SLC39A11: variants seen among roughly 807,000 people sequenced by gnomAD.
SLC39A11 encodes the protein solute carrier family 39 member 11, also known as zinc transporter ZIP11.
SLC39A11 carries 33 observed loss-of-function variants against 36.1 expected under a neutral mutation model. The ratio of observed to expected loss-of-function variants is 0.91; its 90% CI spans 0.69 to 1.22. SLC39A11 has a LOEUF of 1.22. SLC39A11 is among the 50% of genes most tolerant of loss of function. The pLI, the probability that SLC39A11 is intolerant of heterozygous loss-of-function variation, is 0.00. For missense variants in SLC39A11, 432 were observed against 430.3 expected (o/e 1.00, Z -0.03); for synonymous variants, 166 against 170.3 (o/e 0.97, Z 0.20).
chr17:72,963,252 G>C (rs1166474279), intron 4 of SLC39A11, among the ~76,000 whole-genome samples: 1 of 135,836 alleles, frequency 7.4e-6, no homozygotes, highest in South Asian at 2.3e-4. Flanking sequence ...CTCCCTGCAA[G>C]CTCCGCCTCC....
At chr17:72,998,283 T>C (rs1454860392) in intron 4 of SLC39A11, among the ~76,000 whole-genome samples, 1 of 149,238 alleles carries the variant, frequency 6.7e-6, no homozygotes, top group Non-Finnish European at 1.5e-5. Context: ...CAAGGACCAC[T>C]GTACTGTTCC....
intron 6 of SLC39A11, among the ~76,000 whole-genome samples, chr17:72,841,914 A>G (rs1567804583): frequency 1.3e-5 from 2 of 151,618 alleles, no homozygotes; most frequent in Non-Finnish European, 1.5e-5. Context: ...ATACAAAAAA[A>G]AAAAGAAATT....
intron 5 of SLC39A11, among the ~76,000 whole-genome samples, chr17:72,909,260 G>A (rs371697954): frequency 2.0e-5 from 3 of 152,172 alleles, no homozygotes; most frequent in African/African-American, 7.2e-5. Flanking sequence ...GTCAGCCATT[G>A]CATCCCACCC....
At chr17:72,647,756 A>G in intron 9 of SLC39A11, 94 bp from the exon 10 acceptor site, 1 of 928,144 alleles carries the variant, frequency 1.1e-6, no homozygotes, top group Non-Finnish European at 1.7e-6. Flanking sequence ...CAATTCCAAG[A>G]GAAAGCACAC....
intron 5 of SLC39A11, among the ~76,000 whole-genome samples, chr17:72,946,198 C>T (rs1567998605): frequency 6.6e-6 from 1 of 152,184 alleles, no homozygotes; most frequent in Non-Finnish European, 1.5e-5. Flanking sequence ...ATACCTAAAG[C>T]GTTCTGATGG....
intron 6 of SLC39A11, among the ~76,000 whole-genome samples, chr17:72,776,600 A>G (rs936789801): frequency 7.5e-6 from 1 of 133,468 alleles, no homozygotes; most frequent in African/African-American, 2.7e-5. Flanking sequence ...TAAATAAAAT[A>G]CTTTGCATGG....
chr17:73,071,603 C>A (rs939398160), intron 3 of SLC39A11, among the ~76,000 whole-genome samples: 13 of 152,312 alleles, frequency 8.5e-5, no homozygotes, highest in African/African-American at 2.9e-4. Context: ...CCACTGTCAC[C>A]AGACCTCAGA....
At chr17:73,025,277 G>A (rs1167453311) in intron 4 of SLC39A11, among the ~76,000 whole-genome samples, 1 of 152,150 alleles carries the variant, frequency 6.6e-6, no homozygotes, top group Non-Finnish European at 1.5e-5. Flanking sequence ...ACCTACTTGG[G>A]CAGCCTCCTC....
chr17:72,925,639 T>TATTGC (rs1193596955), intron 5 of SLC39A11, among the ~76,000 whole-genome samples: 3 of 152,252 alleles, frequency 2.0e-5, no homozygotes, highest in South Asian at 4.1e-4. Flanking sequence ...AGTACCTGCC[T>TATTGC]ATTGGCCAAG....
intron 7 of SLC39A11, among the ~76,000 whole-genome samples, chr17:72,697,441 C>T (rs1196219475): frequency 6.6e-6 from 1 of 152,138 alleles, no homozygotes; most frequent in African/African-American, 2.4e-5. Context: ...AGGTGTCTAT[C>T]TTCAATTTGC....
At chr17:72,680,041 CAAAAAAAAAA>C (rs199650969) in intron 7 of SLC39A11, among the ~76,000 whole-genome samples, 4 of 71,698 alleles carry the variant, frequency 5.6e-5, no homozygotes, top group African/African-American at 2.5e-4. Context: ...GACTCTGTCT[CAAAAAAAAAA>C]AAAAAAAAAA....
chr17:72,914,295 G>A (rs898965959), intron 5 of SLC39A11, among the ~76,000 whole-genome samples: 5 of 149,542 alleles, frequency 3.3e-5, no homozygotes, highest in East Asian at 2.0e-4. Flanking sequence ...CAGCCTGGAC[G>A]ACAGAGCGAG....
chr17:72,901,098 G>C (rs2082374205), intron 5 of SLC39A11, among the ~76,000 whole-genome samples: 1 of 152,152 alleles, frequency 6.6e-6, no homozygotes, highest in African/African-American at 2.4e-5. Context: ...CTGAAAAATC[G>C]TGTCCAAGTG....
At chr17:72,860,107 G>T (rs574909640) in intron 5 of SLC39A11, among the ~76,000 whole-genome samples, 4 of 151,598 alleles carry the variant, frequency 2.6e-5, no homozygotes, top group Non-Finnish European at 5.9e-5. Context: ...CTTTTGCCAA[G>T]GTTTGAGTTG....
In SLC39A11 at chr17:72,946,638, GC is replaced by G. The variant is rs559318176; in HGVS notation, c.430+1113del. Reference sequence around the variant, plus strand: ...GAGCACTCCACATAAGCGAGGAGGGGCCCATTCTCCACAGCATCCTGGCATG... The same window carrying G: ...GAGCACTCCACATAAGCGAGGAGGGGCCATTCTCCACAGCATCCTGGCATG... On this transcript the variant is annotated intron_variant, in intron 5 of 9. Transcript: ENST00000255559. 3.2e-3 allele frequency among the ~76,000 whole-genome samples: 487 copies of G among 152,254 alleles called. 4 individuals are homozygous for G. Among genetic ancestry groups the G allele is most frequent in the African/African-American group, 0.011 (465 of 41,542 alleles).
intron 5 of SLC39A11, among the ~76,000 whole-genome samples, chr17:72,900,803 G>C (rs1464371904): frequency 6.6e-6 from 1 of 152,148 alleles, no homozygotes; most frequent in East Asian, 1.9e-4. Flanking sequence ...GAGTCACTGT[G>C]CTGGGAAAGC....
chr17:72,685,235 C>T (rs1018559820), intron 7 of SLC39A11, among the ~76,000 whole-genome samples: 6 of 107,658 alleles, frequency 5.6e-5, no homozygotes, highest in East Asian at 5.0e-4. Context: ...CACTCTGCTC[C>T]GATGCTACGA....
At chr17:73,027,825 C>T (rs1321449867) in intron 4 of SLC39A11, among the ~76,000 whole-genome samples, 1 of 152,186 alleles carries the variant, frequency 6.6e-6, no homozygotes, top group African/African-American at 2.4e-5. Flanking sequence ...CAAATCAGGG[C>T]ACTGCTGCAG....
chr17:72,967,370 C>CAGAGAGAGAGAG (rs72044418), intron 4 of SLC39A11, among the ~76,000 whole-genome samples: 35,258 of 109,618 alleles, frequency 0.32, 5,800 homozygotes, highest in Admixed American at 0.39. Context: ...TAAGCATGCT[C>CAGAGAGAGAGAG]AGAGAGAGAG....
Sources: gnomAD v4.1 joint callset for allele counts (sites outside exome capture counted in the v4.1 genomes callset) on GRCh38, gnomAD v4.1.1 for gene constraint, MANE v1.5 for transcripts, NCBI Gene and HGNC (gene_info 2026-07-23, HGNC 2026-07-21) for gene names.